SEMA3E: variants seen among roughly 807,000 people sequenced by gnomAD.
SEMA3E encodes the protein semaphorin 3E, also known as semaphorin-3E.
SEMA3E carries 49 observed loss-of-function variants against 93.6 expected under a neutral mutation model. The observed-to-expected ratio is 0.52, with a 90% CI of 0.42 to 0.66. The LOEUF (loss-of-function observed/expected upper bound fraction) is 0.66, where lower values mean the gene tolerates loss of function less well. Ranked by LOEUF, SEMA3E falls within the 30% of genes least tolerant of loss-of-function variation. The pLI, the probability that SEMA3E is intolerant of heterozygous loss-of-function variation, is 0.00. For synonymous variants in SEMA3E, 363 were observed against 330.7 expected, an observed-to-expected ratio of 1.10 and a Z score of -1.06; for missense variants, 906 against 964.8, an observed-to-expected ratio of 0.94 and a Z score of 0.81.
intron 1 of SEMA3E, among the ~76,000 whole-genome samples, chr7:83,570,162 T>C (rs1392464607): frequency 6.6e-6 from 1 of 152,098 alleles, no homozygotes; most frequent in Non-Finnish European, 1.5e-5. Flanking sequence ...CAAAAAATTC[T>C]TTGAAATTAA....
intron 4 of SEMA3E, among the ~76,000 whole-genome samples, chr7:83,455,969 G>A (rs753674961): frequency 1.4e-4 from 21 of 152,230 alleles, no homozygotes; most frequent in Non-Finnish European, 2.6e-4. Context: ...TTTAGCAGAG[G>A]AGCCAACTAA....
At chr7:83,472,787 G>A (rs1420931948) in intron 2 of SEMA3E, among the ~76,000 whole-genome samples, 1 of 152,034 alleles carries the variant, frequency 6.6e-6, no homozygotes, top group African/African-American at 2.4e-5. Flanking sequence ...ATTTTTCAAG[G>A]GAGAAACCAG....
chr7:83,456,982 T>G (rs996300911), intron 4 of SEMA3E, among the ~76,000 whole-genome samples: 16 of 151,824 alleles, frequency 1.1e-4, no homozygotes, highest in Admixed American at 9.9e-4. Flanking sequence ...GTAATCTCCT[T>G]TCTAATTACT....
intron 1 of SEMA3E, among the ~76,000 whole-genome samples, chr7:83,497,675 T>G (rs755132480): frequency 5.3e-5 from 8 of 152,312 alleles, no homozygotes; most frequent in Middle Eastern, 3.4e-3. Context: ...AATTAACTTT[T>G]TAAAAACTAT....
chr7:83,582,875 A>G (rs1281097965), intron 1 of SEMA3E, among the ~76,000 whole-genome samples: 2 of 152,096 alleles, frequency 1.3e-5, no homozygotes, highest in Admixed American at 6.6e-5. Flanking sequence ...TATTTCATCC[A>G]CTTTTTGTGT....
At chr7:83,437,048 A>C (rs983924599) in intron 4 of SEMA3E, among the ~76,000 whole-genome samples, 10 of 152,148 alleles carry the variant, frequency 6.6e-5, no homozygotes, top group Non-Finnish European at 2.9e-5. Flanking sequence ...GAGACTTACT[A>C]TCATGAGAAC....
At chr7:83,621,764 G>T (rs938597752) in intron 1 of SEMA3E, among the ~76,000 whole-genome samples, 2 of 152,124 alleles carry the variant, frequency 1.3e-5, no homozygotes, top group African/African-American at 4.8e-5. Context: ...TTTAATAAAT[G>T]GTGCTGGGAG....
chr7:83,539,038 G>T (rs541790976), intron 1 of SEMA3E, among the ~76,000 whole-genome samples: 3 of 152,128 alleles, frequency 2.0e-5, no homozygotes, highest in African/African-American at 7.2e-5. Context: ...TTGATTAGAA[G>T]CTCTGAGTGG....
chr7:83,538,601 T>A (rs577623647), intron 1 of SEMA3E, among the ~76,000 whole-genome samples: 152 of 152,302 alleles, frequency 1.0e-3, no homozygotes, highest in Middle Eastern at 3.4e-3. Flanking sequence ...CATTATTTTT[T>A]ACATGATTAT....
intron 1 of SEMA3E, among the ~76,000 whole-genome samples, chr7:83,490,958 G>A (rs1330762144): frequency 1.3e-5 from 2 of 152,012 alleles, no homozygotes; most frequent in African/African-American, 4.8e-5. Context: ...ATTGCATATG[G>A]CAGTTTAGTA....
intron 1 of SEMA3E, among the ~76,000 whole-genome samples, chr7:83,567,808 C>G (rs533656516): frequency 1.3e-5 from 2 of 151,484 alleles, no homozygotes; most frequent in African/African-American, 2.4e-5. Flanking sequence ...AAAAGTACAA[C>G]GATTTTGAAT....
intron 11 of SEMA3E, among the ~76,000 whole-genome samples, chr7:83,399,305 A>G (rs549822091): frequency 6.6e-6 from 1 of 152,310 alleles, no homozygotes; most frequent in South Asian, 2.1e-4. Flanking sequence ...CCTCTTCTAC[A>G]AGTTAGATCT....
intron 3 of SEMA3E, among the ~76,000 whole-genome samples, chr7:83,467,079 T>C (rs940638990): frequency 9.6e-4 from 109 of 113,012 alleles, no homozygotes; most frequent in African/African-American, 2.6e-3. Flanking sequence ...TTTTTTTTTT[T>C]CCCAAGACAG....
chr7:83,429,947 T>G (rs1002186613), intron 4 of SEMA3E, among the ~76,000 whole-genome samples: 3 of 152,298 alleles, frequency 2.0e-5, no homozygotes, highest in Admixed American at 6.5e-5. Context: ...CAATCAAAAT[T>G]TCTCCCATGG....
chr7:83,502,913 A>AC (rs1238434179), intron 1 of SEMA3E, among the ~76,000 whole-genome samples: 7 of 152,248 alleles, frequency 4.6e-5, no homozygotes, highest in African/African-American at 1.7e-4. Context: ...CCTCATTGTG[A>AC]AATAGGGATA....
At chr7:83,540,771 C>T (rs1791514642) in intron 1 of SEMA3E, among the ~76,000 whole-genome samples, 1 of 147,198 alleles carries the variant, frequency 6.8e-6, no homozygotes, top group South Asian at 2.3e-4. Context: ...ATTCAACTTT[C>T]CAGGTAAATC....
chr7:83,555,173 A>G (rs1449778899), intron 1 of SEMA3E, among the ~76,000 whole-genome samples: 5 of 152,144 alleles, frequency 3.3e-5, no homozygotes, highest in South Asian at 4.1e-4. Flanking sequence ...ATTTTACCCA[A>G]AAATAAAAAA....
At chr7:83,491,247 G>C (rs1790375837) in intron 1 of SEMA3E, among the ~76,000 whole-genome samples, 1 of 152,016 alleles carries the variant, frequency 6.6e-6, no homozygotes, top group African/African-American at 2.4e-5. Flanking sequence ...TTCTGAGAAA[G>C]AAGAGCTGAA....
intron 4 of SEMA3E, among the ~76,000 whole-genome samples, chr7:83,457,918 C>A (rs558236219): frequency 2.0e-5 from 3 of 152,188 alleles, no homozygotes; most frequent in South Asian, 4.2e-4. Context: ...ATTCTCCTTG[C>A]CTAAATGATT....
Sources: gnomAD v4.1 joint callset for allele counts (sites outside exome capture counted in the v4.1 genomes callset) on GRCh38, gnomAD v4.1.1 for gene constraint, MANE v1.5 for transcripts, NCBI Gene and HGNC (gene_info 2026-07-23, HGNC 2026-07-21) for gene names.